Variants in CADM2 observed in about 807,000 individuals in gnomAD.
CADM2 encodes immunoglobulin superfamily member 4D.
Under a neutral mutation model 49.8 loss-of-function variants are expected in CADM2, and 12 were observed. The ratio of observed to expected loss-of-function variants is 0.24; its 90% confidence interval spans 0.15 to 0.39. CADM2 has a LOEUF of 0.39. Among genes scored for constraint, CADM2 ranks in the 10% least tolerant of loss-of-function variants. The pLI, the probability that CADM2 is intolerant of heterozygous loss-of-function variation, is 1.00. For synonymous variants in CADM2, 214 were observed against 175.4 expected, an observed-to-expected ratio of 1.22 and a Z score of -1.74; for missense variants, 378 against 492.3, an observed-to-expected ratio of 0.77 and a Z score of 2.20.
In CADM2 at chr3:85,850,314, C is replaced by CTTT. The variant is rs577604958; in HGVS notation, c.239-32951_239-32949dup. Among the ~76,000 whole-genome samples the CTTT allele has an allele frequency of 2.9e-4, 22 of 76,064 alleles. 1 individual carries two copies. The highest frequency in any genetic ancestry group is 7.3e-4 in the East Asian group (2 of 2,730). The allele number at this position is 76,064 out of a possible 152,430, so 49.9% of individuals were successfully genotyped here. A position where few individuals can be genotyped will look rare whatever the true frequency, so the allele number is the denominator to read the frequency against. On this transcript the variant is annotated intron_variant, in intron 3 of 9. Coordinates refer to ENST00000383699, the MANE Select transcript of CADM2 (RefSeq NM_001167675.2). ...CTCTCTGTTCTGGTCTGTTGCAATTCTTTTTTTTTTTTTTTTTTTTTTTTT... is the reference window on the plus strand; with the variant it reads ...CTCTCTGTTCTGGTCTGTTGCAATTCTTTTTTTTTTTTTTTTTTTTTTTTTTTT...
chr3:84,963,292 C>T (rs2107048258), intron 1 of CADM2, among the ~76,000 whole-genome samples: 1 of 152,284 alleles, frequency 6.6e-6, no homozygotes, highest in East Asian at 1.9e-4. Context: ...CCTCTCTTGG[C>T]TATACAGTAG....
chr3:86,026,594 A>G (rs771592698), intron 8 of CADM2, among the ~76,000 whole-genome samples: 3 of 152,194 alleles, frequency 2.0e-5, no homozygotes, highest in Non-Finnish European at 2.9e-5. Context: ...ACTATCAGGT[A>G]TGTCTTTCTC....
chr3:85,648,041 C>T (rs558223097), intron 1 of CADM2, among the ~76,000 whole-genome samples: 5 of 151,794 alleles, frequency 3.3e-5, no homozygotes, highest in African/African-American at 1.2e-4. Context: ...ACATCTTGCC[C>T]ATTAAGAAAC....
chr3:85,142,412 G>T (rs2039604530), intron 1 of CADM2, among the ~76,000 whole-genome samples: 2 of 152,160 alleles, frequency 1.3e-5, no homozygotes, highest in Admixed American at 1.3e-4. Context: ...TAGGTTCAGT[G>T]ATATGAGAAT....
intron 1 of CADM2, among the ~76,000 whole-genome samples, chr3:85,059,220 C>CAG (rs1054230740): frequency 5.0e-4 from 75 of 150,902 alleles, no homozygotes; most frequent in African/African-American, 1.7e-3. Flanking sequence ...GCCTGAGTGA[C>CAG]AGAGAGAGAC....
At chr3:85,567,599 G>A (rs1479164966) in intron 1 of CADM2, among the ~76,000 whole-genome samples, 4 of 151,818 alleles carry the variant, frequency 2.6e-5, no homozygotes, top group Non-Finnish European at 4.4e-5. Flanking sequence ...GTATTGTTTT[G>A]AATGGTATAT....
intron 1 of CADM2, among the ~76,000 whole-genome samples, chr3:85,245,503 T>C (rs2042626609): frequency 6.8e-6 from 1 of 147,030 alleles, no homozygotes; most frequent in Admixed American, 6.7e-5. Flanking sequence ...AGATTGAGGC[T>C]CTGTCTCAAA....
chr3:85,651,481 T>C (rs943327718), intron 1 of CADM2, among the ~76,000 whole-genome samples: 5 of 151,972 alleles, frequency 3.3e-5, no homozygotes, highest in Admixed American at 3.3e-4. Context: ...AGAAGGAATT[T>C]TACAAAAAAG....
intron 1 of CADM2, among the ~76,000 whole-genome samples, chr3:85,409,550 C>T (rs909033718): frequency 6.6e-6 from 1 of 151,978 alleles, no homozygotes; most frequent in Non-Finnish European, 1.5e-5. Flanking sequence ...TATATTGCCA[C>T]AGATAATGAA....
intron 1 of CADM2, among the ~76,000 whole-genome samples, chr3:85,254,805 T>A (rs2042849237): frequency 6.6e-6 from 1 of 152,040 alleles, no homozygotes; most frequent in African/African-American, 2.4e-5. Context: ...GAGCTCTACA[T>A]TTTGGTTGAG....
chr3:84,996,977 C>G (rs2033215082), intron 1 of CADM2, among the ~76,000 whole-genome samples: 1 of 152,000 alleles, frequency 6.6e-6, no homozygotes, highest in Non-Finnish European at 1.5e-5. Flanking sequence ...GCTTGTCAAC[C>G]CCTGCATCTT....
At chr3:86,017,429 T>G (rs1214955075) in intron 8 of CADM2, among the ~76,000 whole-genome samples, 1 of 151,796 alleles carries the variant, frequency 6.6e-6, no homozygotes, top group African/African-American at 2.4e-5. Flanking sequence ...GCAAGTACTG[T>G]TAGGAAGAAA....
At chr3:86,060,411 C>T (rs910008329) in intron 8 of CADM2, among the ~76,000 whole-genome samples, 2 of 152,048 alleles carry the variant, frequency 1.3e-5, no homozygotes, top group Non-Finnish European at 2.9e-5. Context: ...ATTTCAGTTG[C>T]AAAGATAGCT....
chr3:85,526,546 A>T (rs2061162739), intron 1 of CADM2, among the ~76,000 whole-genome samples: 1 of 152,228 alleles, frequency 6.6e-6, no homozygotes, highest in African/African-American at 2.4e-5. Flanking sequence ...GACCTGGATT[A>T]AAATCCAAGA....
At chr3:85,813,565 G>A (rs895006437) in intron 3 of CADM2, among the ~76,000 whole-genome samples, 4 of 152,024 alleles carry the variant, frequency 2.6e-5, no homozygotes. Context: ...TGTCAATTTT[G>A]GCTTTTGTTG....
chr3:85,836,847 A>G (rs1267981676), intron 3 of CADM2, among the ~76,000 whole-genome samples: 2 of 151,630 alleles, frequency 1.3e-5, no homozygotes, highest in East Asian at 3.9e-4. Flanking sequence ...GCATCTATAC[A>G]GCCATGTGAG....
At chr3:85,182,547 T>G (rs1159281879) in intron 1 of CADM2, among the ~76,000 whole-genome samples, 2 of 152,038 alleles carry the variant, frequency 1.3e-5, no homozygotes, top group African/African-American at 4.8e-5. Flanking sequence ...AATCACAGAT[T>G]AGAAGAGACT....
In CADM2 at chr3:85,883,000, A is replaced by G. The variant is rs143653105; in HGVS notation, c.239-291A>G. 3.9e-5 allele frequency among the ~76,000 whole-genome samples: 6 copies of G among 152,332 alleles called. No individual in the cohort carries two copies. The East Asian group carries it at 7.7e-4, about 20-fold the overall frequency. On this transcript the variant is annotated intron_variant, in intron 3 of 9. Transcript: ENST00000383699. ...TATGAAACATTTGCAGAGGAAAGCT[A>G]TGTTTATCAACATCAGTATCTACCT... is the stretch of plus-strand genomic sequence containing the variant.
chr3:85,277,222 T>G (rs902365613), intron 1 of CADM2, among the ~76,000 whole-genome samples: 1 of 151,314 alleles, frequency 6.6e-6, no homozygotes, highest in Non-Finnish European at 1.5e-5. Flanking sequence ...AATGTCATAG[T>G]AGAAGAGCTC....
Sources: gnomAD v4.1 joint callset for allele counts (sites outside exome capture counted in the v4.1 genomes callset) on GRCh38, gnomAD v4.1.1 for gene constraint, MANE v1.5 for transcripts, NCBI Gene and HGNC (gene_info 2026-07-23, HGNC 2026-07-21) for gene names.